The following ARHGAP26 variants were observed in gnomAD, a reference collection of about 807,000 sequenced individuals.
ARHGAP26 encodes the protein rho GTPase-activating protein 26.
ARHGAP26 carries 38 observed loss-of-function variants against 104.8 expected under a neutral mutation model. The ratio of observed to expected loss-of-function variants is 0.36; its 90% CI spans 0.28 to 0.48. The LOEUF (loss-of-function observed/expected upper bound fraction) is 0.48. ARHGAP26 is among the 20% of genes least tolerant of loss of function. ARHGAP26 has a pLI of 0.99. For missense variants in ARHGAP26, 704 were observed against 947.9 expected, an observed-to-expected ratio of 0.74 and a Z score of 3.38; for synonymous variants, 341 against 340.0, an observed-to-expected ratio of 1.00 and a Z score of -0.03.
At chr5:143,047,781 T>A (rs1349948240) in intron 14 of ARHGAP26, among the ~76,000 whole-genome samples, 1 of 152,172 alleles carries the variant, frequency 6.6e-6, no homozygotes, top group Non-Finnish European at 1.5e-5. Flanking sequence ...AGCCTATTTT[T>A]CTATTGGTAT....
chr5:143,102,873 G>A (rs1793457949), intron 17 of ARHGAP26, among the ~76,000 whole-genome samples: 1 of 151,248 alleles, frequency 6.6e-6, no homozygotes, highest in South Asian at 2.1e-4. Flanking sequence ...GCATCCCAGT[G>A]CCTCTATGAA....
In ARHGAP26 at chr5:143,057,622, C is replaced by T. The variant is rs755553360; in HGVS notation, c.1433-20C>T. On this transcript the variant is annotated intron_variant, in intron 16 of 22. Coordinates refer to ENST00000645722, the MANE Select transcript of ARHGAP26 (RefSeq NM_001135608.3). ...TAGCTGTGACACTGATAAGATATTA[C>T]CTCCCTCCTTCCTTTGCAGAACTGG... 1 of 1,602,428 alleles carries T rather than the reference C, an allele frequency of 6.2e-7. No individual in the cohort carries two copies. The highest frequency in any genetic ancestry group is 8.5e-7 in the Non-Finnish European group (1 of 1,170,496).
At chr5:142,828,953 T>G (rs1009929460) in intron 1 of ARHGAP26, among the ~76,000 whole-genome samples, 6 of 152,334 alleles carry the variant, frequency 3.9e-5, no homozygotes, top group Admixed American at 3.9e-4. Context: ...GCGTATCTGT[T>G]TCACCTGTTA....
chr5:142,836,492 T>C (rs867922163), intron 1 of ARHGAP26, among the ~76,000 whole-genome samples: 1 of 152,232 alleles, frequency 6.6e-6, no homozygotes, highest in Non-Finnish European at 1.5e-5. Context: ...TTTCTCTGTT[T>C]GAGGCTTCAA....
At chr5:142,946,338 G>A (rs1160410686) in intron 11 of ARHGAP26, among the ~76,000 whole-genome samples, 1 of 152,092 alleles carries the variant, frequency 6.6e-6, no homozygotes, top group Non-Finnish European at 1.5e-5. Context: ...TAGACATTCC[G>A]AGCTGTGACC....
rs1438543275 is a variant in ARHGAP26 at position 142,876,170 on chromosome 5, C to T, written c.312+999C>T. Among the ~76,000 whole-genome samples, 3 of 152,310 alleles carry T rather than the reference C, an allele frequency of 2.0e-5. No homozygotes were observed. The South Asian group carries it at 6.2e-4, about 32-fold the overall frequency. ...CCTGCTGACTTGAAGTCCCCTGCTG[C>T]CTGTACACTGATTTTCTGCTAGGAG... On this transcript the variant is annotated intron_variant, in intron 3 of 22. Coordinates refer to ENST00000645722, the MANE Select transcript of ARHGAP26 (RefSeq NM_001135608.3).
intron 1 of ARHGAP26, among the ~76,000 whole-genome samples, chr5:142,802,539 T>C (rs1254676787): frequency 6.6e-6 from 1 of 152,216 alleles, no homozygotes; most frequent in Non-Finnish European, 1.5e-5. Context: ...TTTTGTTATG[T>C]GTTGTTTTAC....
intron 11 of ARHGAP26, among the ~76,000 whole-genome samples, chr5:142,963,227 T>TGTGTGTGTGTGTGTGTGC (rs1562165374): frequency 3.4e-5 from 5 of 146,360 alleles, no homozygotes; most frequent in African/African-American, 1.1e-4. Flanking sequence ...TGTGCGCGTG[T>TGTGTGTGTGTGTGTGTGC]GTGTGTGTAC....
At chr5:143,057,816 T>G (rs779709209) in intron 17 of ARHGAP26, 69 bp downstream of exon 17, 19 of 1,312,950 alleles carry the variant, frequency 1.4e-5, no homozygotes, top group Middle Eastern at 1.8e-4. Flanking sequence ...GTGAAGCTGG[T>G]CTCAGTTCTG....
rs140794466 is a variant in ARHGAP26, at chr5:143,181,679, G to A, written c.1989-25519G>A. On this transcript the variant is annotated intron_variant, in intron 20 of 22. Coordinates refer to ENST00000645722, the MANE Select transcript of ARHGAP26 (RefSeq NM_001135608.3). The stretch of plus-strand genomic sequence containing the variant: ...AATGAGTAAACAAATGAATTACACC[G>A]GAATAGATTTCTGGACAATTCATTT... Among the ~76,000 whole-genome samples, 563 of 152,274 alleles carry A rather than the reference G, an allele frequency of 3.7e-3. 2 individuals are homozygous for A. The highest frequency in any genetic ancestry group is 0.012 in the African/African-American group (502 of 41,546).
intron 20 of ARHGAP26, among the ~76,000 whole-genome samples, chr5:143,186,960 T>C (rs1805241253): frequency 6.6e-6 from 1 of 152,218 alleles, no homozygotes; most frequent in Admixed American, 6.5e-5. Context: ...AGTCCTTAAA[T>C]CTACTCTTCA....
At chr5:143,056,119 G>A (rs1785771797) in intron 16 of ARHGAP26, 33 bp downstream of exon 16, 2 of 1,571,294 alleles carry the variant, frequency 1.3e-6, no homozygotes, top group South Asian at 1.1e-5. Context: ...TTAAGGGGAA[G>A]AGAATAGATT....
At chr5:142,950,491 A>G (rs543720470) in intron 11 of ARHGAP26, among the ~76,000 whole-genome samples, 12 of 151,456 alleles carry the variant, frequency 7.9e-5, no homozygotes, top group Admixed American at 6.6e-4. Flanking sequence ...TTCCTAAACA[A>G]CTCTATTCAT....
chr5:143,214,112 A>G, intron 22 of ARHGAP26, 24 bp downstream of exon 22: 1 of 408,840 alleles, frequency 2.4e-6, no homozygotes, highest in Non-Finnish European at 4.8e-6. Flanking sequence ...CCCCTCACAA[A>G]GATATGGGCG....
At chr5:143,123,143 GC>G (rs1429932779) in intron 18 of ARHGAP26, among the ~76,000 whole-genome samples, 8 of 152,168 alleles carry the variant, frequency 5.3e-5, no homozygotes, top group African/African-American at 1.7e-4. Flanking sequence ...CCCTTGTGTA[GC>G]CCCCTCCACC....
intron 17 of ARHGAP26, among the ~76,000 whole-genome samples, chr5:143,060,003 T>C (rs1226908359): frequency 1.3e-5 from 2 of 152,208 alleles, no homozygotes; most frequent in Non-Finnish European, 2.9e-5. Flanking sequence ...CTGAAAAAAT[T>C]CTTTGGCATC....
chr5:143,012,576 T>TATATACATATATATATATATATA (rs1554195628), intron 11 of ARHGAP26, among the ~76,000 whole-genome samples: 2 of 57,044 alleles, frequency 3.5e-5, no homozygotes, highest in South Asian at 3.9e-4. Flanking sequence ...TATATATATA[T>TATATACATATATATATATATATA]TATGATCAGG....
rs1386153199 is a variant in ARHGAP26, at chr5:143,223,383, G to T, written c.*937G>T. 1 of 232,670 alleles carries T rather than the reference G, an allele frequency of 4.3e-6. No individual in the cohort carries two copies. The highest frequency in any genetic ancestry group is 8.5e-6 in the Non-Finnish European group (1 of 117,446). 14.4% of individuals were successfully genotyped at this position (232,670 alleles called of 1,614,324 possible). ...TTTCAGCAGCATCGGAATATATTTG[G>T]AGCACACCCTAGTAACCTCTTGAGA... On this transcript the variant is annotated 3_prime_UTR_variant, in exon 23 of 23. Transcript: ENST00000645722.
At chr5:142,870,186 C>A (rs994780863) in intron 1 of ARHGAP26, among the ~76,000 whole-genome samples, 5 of 152,208 alleles carry the variant, frequency 3.3e-5, no homozygotes, top group African/African-American at 1.2e-4. Context: ...GCACCCAGCA[C>A]CAGTGCCAGC....
Sources: gnomAD v4.1 joint callset for allele counts (sites outside exome capture counted in the v4.1 genomes callset) on GRCh38, gnomAD v4.1.1 for gene constraint, MANE v1.5 for transcripts, NCBI Gene and HGNC (gene_info 2026-07-23, HGNC 2026-07-21) for gene names.